Variants in SLC37A1 observed in about 807,000 individuals in gnomAD.
SLC37A1 encodes the protein solute carrier family 37 member 1.
Under a neutral mutation model 75.3 loss-of-function variants are expected in SLC37A1, and 49 were observed. That is an observed-to-expected ratio of 0.65 (90% CI 0.52 to 0.83). The LOEUF is 0.83. Ranked by LOEUF, SLC37A1 falls within the 40% of genes least tolerant of loss-of-function variation. The pLI is 0.00. For missense variants in SLC37A1, 566 were observed against 695.0 expected (o/e 0.81, Z 2.09); for synonymous variants, 268 against 292.1 (o/e 0.92, Z 0.84).
intron 5 of SLC37A1, among the ~76,000 whole-genome samples, chr21:42,536,075 G>A (rs1248117617): frequency 6.6e-6 from 1 of 152,200 alleles, no homozygotes; most frequent in African/African-American, 2.4e-5. Flanking sequence ...ATGGCGGGTG[G>A]GGAACTCCAG....
At chr21:42,556,200 T>A (rs1024073584) in intron 10 of SLC37A1, among the ~76,000 whole-genome samples, 4 of 152,120 alleles carry the variant, frequency 2.6e-5, no homozygotes. Context: ...CCCGCGGGCG[T>A]TTTAGAGGAT....
At chr21:42,521,850 C>T (rs1352110501) in intron 2 of SLC37A1, among the ~76,000 whole-genome samples, 1 of 152,208 alleles carries the variant, frequency 6.6e-6, no homozygotes, top group Non-Finnish European at 1.5e-5. Context: ...TATTAGCCTC[C>T]TGGGGCTGCT....
In SLC37A1 at chr21:42,563,886, A is replaced by G; in HGVS notation, c.1135+9A>G. On this transcript the variant is annotated intron_variant, in intron 13 of 19. Transcript: ENST00000352133. ...CGTGGGCGGAATCTTTGGTGAGTTC[A>G]TTAAGACTTGTTCTGCTGCAACAAT... 6.2e-7 allele frequency: 1 copy of G among 1,614,176 alleles called. No homozygotes were observed.
rs2055377219 is a variant in SLC37A1 at position 42,545,193 on chromosome 21, G to T, written c.730+1591G>T. The stretch of plus-strand genomic sequence containing the variant: ...TGGCCACAGGCCCACTCACCTACAG[G>T]AAGGCTGCATGCTTCATCTCTAGCC... On this transcript the variant is annotated intron_variant, in intron 8 of 19. Coordinates refer to ENST00000352133, the MANE Select transcript of SLC37A1 (RefSeq NM_001320537.2). This position sits in a 1 kb window ranked among gnomAD's most constrained non-coding sequence, Gnocchi z 4.0. 6.6e-6 allele frequency among the ~76,000 whole-genome samples: 1 copy of T among 152,166 alleles called. No individual in the cohort carries two copies. Among genetic ancestry groups the T allele is most frequent in the South Asian group, 2.1e-4 (1 of 4,828 alleles).
intron 18 of SLC37A1, among the ~76,000 whole-genome samples, chr21:42,576,150 G>C (rs1003418356): frequency 6.6e-6 from 1 of 152,064 alleles, no homozygotes; most frequent in African/African-American, 2.4e-5. Flanking sequence ...AAGGCGTTAG[G>C]CTGGCACAAG....
rs76012435 is a variant in SLC37A1 at position 42,503,802 on chromosome 21, C to A, written c.-179+1385C>A. Among the ~76,000 whole-genome samples, 1,125 of 152,082 alleles carry A rather than the reference C, an allele frequency of 7.4e-3. 18 individuals carry two copies. The highest frequency in any genetic ancestry group is 0.026 in the African/African-American group (1,089 of 41,456). Reference sequence around the variant, plus strand: ...CAGTTATCGGAAGAGCTAAATGAACCATTTCCCTCTCCCTCTACAAACAGG... The same window carrying A: ...CAGTTATCGGAAGAGCTAAATGAACAATTTCCCTCTCCCTCTACAAACAGG... On this transcript the variant is annotated intron_variant, in intron 2 of 20. Transcript: ENST00000398341.
intron 5 of SLC37A1, among the ~76,000 whole-genome samples, chr21:42,539,154 A>G (rs2055212258): frequency 6.6e-6 from 1 of 152,224 alleles, no homozygotes; most frequent in South Asian, 2.1e-4. Context: ...ATTTTAAGAC[A>G]CTATATACAT....
chr21:42,546,181 G>A (rs2055402849), intron 8 of SLC37A1, among the ~76,000 whole-genome samples: 1 of 152,214 alleles, frequency 6.6e-6, no homozygotes, highest in South Asian at 2.1e-4. Flanking sequence ...AAGCAGTAGG[G>A]CTGGTTTCCC....
chr21:42,541,447 T>G (rs2055280194), intron 6 of SLC37A1, among the ~76,000 whole-genome samples: 1 of 152,204 alleles, frequency 6.6e-6, no homozygotes, highest in Non-Finnish European at 1.5e-5. Flanking sequence ...GCTGCCAGGC[T>G]GGCCCTGGTT....
At chr21:42,541,175 T>C (rs1002088043) in intron 6 of SLC37A1, among the ~76,000 whole-genome samples, 2 of 152,318 alleles carry the variant, frequency 1.3e-5, no homozygotes, top group South Asian at 4.1e-4. Context: ...ACAGTAGGGT[T>C]CGCGCTCCTA....
chr21:42,544,988 A>G (rs530479887), intron 8 of SLC37A1, among the ~76,000 whole-genome samples: 1 of 152,234 alleles, frequency 6.6e-6, no homozygotes, highest in Admixed American at 6.5e-5. Flanking sequence ...AGAAAAGGAC[A>G]TGTGGAAGGG....
chr21:42,562,191 A>G, intron 12 of SLC37A1, 23 bp downstream of exon 12: 1 of 1,604,784 alleles, frequency 6.2e-7, no homozygotes. Flanking sequence ...GCTAGAACAC[A>G]TTAAATTCCG....
intron 11 of SLC37A1, among the ~76,000 whole-genome samples, chr21:42,559,554 C>T (rs1458083960): frequency 6.6e-6 from 1 of 152,228 alleles, no homozygotes; most frequent in African/African-American, 2.4e-5. Context: ...GTGGCCTTCG[C>T]GAGCCCGGCT....
In SLC37A1 at chr21:42,543,498, T is replaced by A; in HGVS notation, c.626T>A (p.Leu209Ter). The A allele has an allele frequency of 6.2e-7, 1 of 1,614,220 alleles. No individual in the cohort carries two copies. The highest frequency in any genetic ancestry group is 8.5e-7 in the Non-Finnish European group (1 of 1,180,018). Residue 209 changes from leucine to a stop codon, truncating the protein, a stop_gained, in exon 8 of 20, where the codon TTG becomes TAG. Coordinates refer to ENST00000352133, the MANE Select transcript of SLC37A1 (RefSeq NM_001320537.2). LOFTEE classifies it high-confidence loss of function. ...TCCGTGGGCAACATCTTGGGGTCAT[T>A]GATCGCTGGCTACTGGGTGTCCACA... ...HTSVGNILGS[L>*]IAGYWVSTCW...
At chr21:42,570,174 AT>A (rs1437400312) in intron 17 of SLC37A1, among the ~76,000 whole-genome samples, 17 of 31,626 alleles carry the variant, frequency 5.4e-4, no homozygotes, top group Middle Eastern at 0.013. Flanking sequence ...CAGGGTGGCC[AT>A]TGCCATGTGA....
At chr21:42,559,705 G>A (rs1229814843) in intron 11 of SLC37A1, among the ~76,000 whole-genome samples, 1 of 152,204 alleles carries the variant, frequency 6.6e-6, no homozygotes, top group African/African-American at 2.4e-5. Flanking sequence ...GCAAAAACCG[G>A]TCTTTACTAA....
In SLC37A1 at chr21:42,548,476, C is replaced by T. The variant is rs373671255; in HGVS notation, c.768+1336C>T. Among the ~76,000 whole-genome samples the T allele has an allele frequency of 7.2e-5, 11 of 152,234 alleles. No homozygotes were observed. Among genetic ancestry groups the T allele is most frequent in the South Asian group, 4.1e-4 (2 of 4,822 alleles). Reference sequence around the variant, plus strand: ...GCCCAACACCCCCTCCCTTCAGCCCCGCACCCCATCCTTGGCCATGTTCTG... The same window carrying T: ...GCCCAACACCCCCTCCCTTCAGCCCTGCACCCCATCCTTGGCCATGTTCTG... On this transcript the variant is annotated intron_variant, in intron 9 of 19. Coordinates refer to ENST00000352133, the MANE Select transcript of SLC37A1 (RefSeq NM_001320537.2). The surrounding 1 kb of genome is among the most constrained non-coding windows in gnomAD (Gnocchi z 5.6).
At chr21:42,550,408 G>A (rs1391563664) in intron 9 of SLC37A1, among the ~76,000 whole-genome samples, 1 of 152,214 alleles carries the variant, frequency 6.6e-6, no homozygotes, top group Non-Finnish European at 1.5e-5. Context: ...CTCAAGAGAG[G>A]AGGAAATCTG....
At chr21:42,504,941 C>T (rs958772988) in intron 2 of SLC37A1, among the ~76,000 whole-genome samples, 2 of 152,206 alleles carry the variant, frequency 1.3e-5, no homozygotes, top group African/African-American at 4.8e-5. Context: ...CCCAACCAAT[C>T]TCCAAATCCT....
Sources: gnomAD v4.1 joint callset for allele counts (sites outside exome capture counted in the v4.1 genomes callset) on GRCh38, gnomAD v4.1.1 for gene constraint, Gnocchi (gnomAD v3.1) non-coding constraint, MANE v1.5 for transcripts, NCBI Gene and HGNC (gene_info 2026-07-23, HGNC 2026-07-21) for gene names.